Variants in ZBBX observed in about 807,000 individuals in gnomAD.
ZBBX encodes zinc finger B-box domain containing, also known as zinc finger B-box domain-containing protein 1.
ZBBX carries 101 observed loss-of-function variants against 108.5 expected under a neutral mutation model. The ratio of observed to expected loss-of-function variants is 0.93; its 90% CI spans 0.79 to 1.10. The LOEUF is 1.10. Ranked by LOEUF, ZBBX falls within the 50% of genes least tolerant of loss-of-function variation. ZBBX has a pLI of 0.00. For synonymous variants in ZBBX, 356 were observed against 323.4 expected, an observed-to-expected ratio of 1.10 and a Z score of -1.08; for missense variants, 1,009 against 941.4, an observed-to-expected ratio of 1.07 and a Z score of -0.94.
intron 15 of ZBBX, among the ~76,000 whole-genome samples, chr3:167,315,404 C>A (rs61707009): frequency 0.015 from 2,315 of 152,068 alleles, 67 homozygotes; most frequent in African/African-American, 0.053. Flanking sequence ...TGAACAAAAT[C>A]CAGAGTATCT....
At chr3:167,354,640 T>C (rs1743222218) in intron 8 of ZBBX, among the ~76,000 whole-genome samples, 1 of 151,950 alleles carries the variant, frequency 6.6e-6, no homozygotes, top group Non-Finnish European at 1.5e-5. Context: ...TATAATTTTA[T>C]ATAAATACAT....
chr3:167,193,503 T>C, the ZBBX span, among the ~76,000 whole-genome samples: 7 of 152,248 alleles, frequency 4.6e-5, no homozygotes, highest in African/African-American at 1.7e-4. Context: ...TGTACTCTTA[T>C]GCTTCTATTG....
the ZBBX span, among the ~76,000 whole-genome samples, chr3:167,199,147 A>T: frequency 6.6e-6 from 1 of 152,270 alleles, no homozygotes; most frequent in African/African-American, 2.4e-5. Flanking sequence ...TGAGTTGATG[A>T]ACAGGCCACC....
In ZBBX at chr3:167,240,702, C is replaced by T; in HGVS notation, c.*91G>A. Reference sequence around the variant, plus strand: ...CAAAGACATTAGTAATCAAAATCTCCAGCACTTGGATAGGTAATCACTTGG... The same window carrying T: ...CAAAGACATTAGTAATCAAAATCTCTAGCACTTGGATAGGTAATCACTTGG... On this transcript the variant is annotated 3_prime_UTR_variant, in exon 22 of 22. Coordinates refer to ENST00000675490, the MANE Select transcript of ZBBX (RefSeq NM_001199201.2). 6 of 1,442,382 alleles carry T rather than the reference C, an allele frequency of 4.2e-6. No homozygotes were observed. The highest frequency in any genetic ancestry group is 1.4e-5 in the South Asian group (1 of 72,526). 89.3% of individuals were successfully genotyped at this position (1,442,382 alleles called of 1,614,324 possible). A position where few individuals can be genotyped will look rare whatever the true frequency, so the allele number is the denominator to read the frequency against.
chr3:167,367,544 T>G (rs1408976614), intron 5 of ZBBX, among the ~76,000 whole-genome samples: 1 of 150,800 alleles, frequency 6.6e-6, no homozygotes, highest in African/African-American at 2.4e-5. Flanking sequence ...AGTAAAATAG[T>G]AGGACATGAA....
the ZBBX span, among the ~76,000 whole-genome samples, chr3:167,187,410 C>A: frequency 6.6e-6 from 1 of 152,066 alleles, no homozygotes; most frequent in African/African-American, 2.4e-5. Flanking sequence ...GTGCTCAGAG[C>A]CAATTCTGCT....
the ZBBX span, among the ~76,000 whole-genome samples, chr3:167,217,589 C>G: frequency 6.6e-6 from 1 of 152,140 alleles, no homozygotes; most frequent in African/African-American, 2.4e-5. Flanking sequence ...AACTACCATT[C>G]AACCCAGCAA....
intron 10 of ZBBX, among the ~76,000 whole-genome samples, chr3:167,332,099 C>T (rs767748512): frequency 6.6e-6 from 1 of 152,080 alleles, no homozygotes; most frequent in African/African-American, 2.4e-5. Context: ...CCCAGGAATG[C>T]AAGTTTTTAA....
chr3:167,355,569 C>T (rs1030745367), intron 8 of ZBBX, among the ~76,000 whole-genome samples: 5 of 151,096 alleles, frequency 3.3e-5, no homozygotes, highest in Non-Finnish European at 7.4e-5. Flanking sequence ...ATATATATAT[C>T]CTTTATATAT....
chr3:167,283,841 C>T (rs1435208629), intron 19 of ZBBX, among the ~76,000 whole-genome samples: 3 of 152,110 alleles, frequency 2.0e-5, no homozygotes, highest in Non-Finnish European at 2.9e-5. Context: ...TGGGGTTTCA[C>T]CATGTTGGCC....
the ZBBX span, among the ~76,000 whole-genome samples, chr3:167,234,831 C>G: frequency 2.0e-5 from 3 of 151,738 alleles, no homozygotes; most frequent in Admixed American, 6.6e-5. Flanking sequence ...TCCCTTGCAT[C>G]TAGACATAGC....
At chr3:167,310,244 C>G (rs996878165) in intron 16 of ZBBX, among the ~76,000 whole-genome samples, 1 of 152,170 alleles carries the variant, frequency 6.6e-6, no homozygotes, top group African/African-American at 2.4e-5. Flanking sequence ...TCACTATAAG[C>G]ATTTTGGTCA....
chr3:167,367,490 C>A (rs1470859015), intron 5 of ZBBX, among the ~76,000 whole-genome samples: 2 of 151,306 alleles, frequency 1.3e-5, no homozygotes, highest in African/African-American at 4.8e-5. Context: ...ATTTTCTTAT[C>A]ACATCAATGC....
At chr3:167,322,564 A>G (rs12633017) in intron 11 of ZBBX, among the ~76,000 whole-genome samples, 53,144 of 151,786 alleles carry the variant, frequency 0.35, 9,763 homozygotes, top group East Asian at 0.65. Flanking sequence ...ATAAAGGTAT[A>G]ATACACAGAT....
the ZBBX span, among the ~76,000 whole-genome samples, chr3:167,180,253 C>A: frequency 6.6e-6 from 1 of 152,184 alleles, no homozygotes; most frequent in Admixed American, 6.5e-5. Context: ...TTGCTGAGGG[C>A]TAGTGAGACT....
intron 17 of ZBBX, among the ~76,000 whole-genome samples, chr3:167,301,728 C>G (rs535983500): frequency 6.6e-6 from 1 of 152,028 alleles, no homozygotes; most frequent in African/African-American, 2.4e-5. Context: ...GAGGCCAAGG[C>G]GGTTGGATCG....
the ZBBX span, among the ~76,000 whole-genome samples, chr3:167,232,015 A>G: frequency 3.9e-5 from 6 of 151,972 alleles, no homozygotes; most frequent in South Asian, 8.3e-4. Flanking sequence ...GCCATTTGAT[A>G]TGATTGTAGT....
chr3:167,346,977 AAAAATT>A (rs992980392), intron 9 of ZBBX, among the ~76,000 whole-genome samples: 1 of 151,950 alleles, frequency 6.6e-6, no homozygotes, highest in Non-Finnish European at 1.5e-5. Context: ...AATAAAGGAG[AAAAATT>A]AAGTACTAAT....
chr3:167,288,734 A>C (rs1170669880), intron 19 of ZBBX, 133 bp downstream of exon 19: 1 of 452,752 alleles, frequency 2.2e-6, no homozygotes, highest in Non-Finnish European at 3.9e-6. Context: ...GAGGACATTT[A>C]GTTAAAATGA....
Sources: allele counts gnomAD v4.1 joint callset (sites outside exome capture counted in the v4.1 genomes callset), GRCh38; gene constraint gnomAD v4.1.1; transcripts MANE v1.5; gene names NCBI Gene and HGNC (gene_info 2026-07-23, HGNC 2026-07-21).